Variants in COBLL1 observed in about 807,000 individuals in gnomAD.
COBLL1 encodes cordon-bleu WH2 repeat protein like 1, also known as cordon-bleu protein-like 1.
Under a neutral mutation model 94.8 loss-of-function variants are expected in COBLL1, and 50 were observed. The observed-to-expected ratio is 0.53, with a 90% CI of 0.42 to 0.67. The LOEUF is 0.67. Among genes scored for constraint, COBLL1 ranks in the 30% least tolerant of loss-of-function variants. The pLI is 0.00. For missense variants in COBLL1, 1,362 were observed against 1,348.7 expected (o/e 1.01, Z -0.15); for synonymous variants, 448 against 473.8 (o/e 0.95, Z 0.71).
rs368563132 is a variant in COBLL1, at chr2:164,751,049, G to A, written c.42-7174C>T. ...AAGAGCCTTCCATAGCTTTGCCCTC[G>A]GTCCAAAATGCTTTTAACCAGAAAA... On this transcript the variant is annotated intron_variant, in intron 2 of 13. Coordinates refer to ENST00000652658, the MANE Select transcript of COBLL1 (RefSeq NM_001365672.2). 4.6e-5 allele frequency among the ~76,000 whole-genome samples: 7 copies of A among 152,102 alleles called. No homozygotes were observed. The East Asian group carries it at 7.7e-4, about 17-fold the overall frequency.
intron 13 of COBLL1, chr2:164,687,471 G>T: frequency 6.9e-7 from 1 of 1,443,978 alleles, no homozygotes; most frequent in Non-Finnish European, 9.6e-7. Flanking sequence ...CCCTGTGCAG[G>T]GCCTCAATCA....
Position 164,680,280 on chromosome 2 carries a change from A to C in COBLL1, c.*5666T>G, listed in dbSNP as rs1682975681. ...CATGTACAATATAACCCACATACCCACCACCTAGATTTAACAATTGTAACC... is the reference window on the plus strand; with the variant it reads ...CATGTACAATATAACCCACATACCCCCCACCTAGATTTAACAATTGTAACC... On this transcript the variant is annotated 3_prime_UTR_variant, in exon 14 of 14. Transcript: ENST00000652658. The C allele has an allele frequency of 6.6e-6, 1 of 152,124 alleles. No homozygotes were observed. Among genetic ancestry groups the C allele is most frequent in the Non-Finnish European group, 1.5e-5 (1 of 68,022 alleles). 9.4% of individuals were successfully genotyped at this position (152,124 alleles called of 1,614,324 possible).
At chr2:164,725,653 A>G (rs1685690837) in intron 5 of COBLL1, among the ~76,000 whole-genome samples, 1 of 152,134 alleles carries the variant, frequency 6.6e-6, no homozygotes, top group African/African-American at 2.4e-5. Context: ...TCCTAGGCTC[A>G]AGCAATCTTC....
intron 2 of COBLL1, among the ~76,000 whole-genome samples, chr2:164,823,615 T>C (rs984792255): frequency 6.6e-6 from 1 of 152,220 alleles, no homozygotes; most frequent in East Asian, 1.9e-4. Context: ...TGTATAATTA[T>C]ACACGCAGAC....
At chr2:164,798,835 C>T (rs900311975) in intron 2 of COBLL1, among the ~76,000 whole-genome samples, 12 of 151,638 alleles carry the variant, frequency 7.9e-5, no homozygotes, top group African/African-American at 1.7e-4. Context: ...CTGGCTAACA[C>T]GGTGAAACCC....
At chr2:164,769,577 G>A (rs1688101228) in intron 2 of COBLL1, among the ~76,000 whole-genome samples, 2 of 152,268 alleles carry the variant, frequency 1.3e-5, no homozygotes, top group Admixed American at 6.5e-5. Flanking sequence ...GGAGTAATTG[G>A]GATGGATGCG....
chr2:164,780,373 C>A (rs771539961), intron 2 of COBLL1, among the ~76,000 whole-genome samples: 21 of 152,146 alleles, frequency 1.4e-4, no homozygotes, highest in Non-Finnish European at 1.8e-4. Context: ...AGGAATTCCA[C>A]GTAATTCCTC....
intron 1 of COBLL1, among the ~76,000 whole-genome samples, chr2:164,675,073 A>T (rs946371018): frequency 1.3e-5 from 2 of 152,208 alleles, no homozygotes; most frequent in African/African-American, 4.8e-5. Context: ...CTTAAGGCAC[A>T]AATCTTTGTG....
intron 2 of COBLL1, among the ~76,000 whole-genome samples, chr2:164,777,816 C>T (rs112945269): frequency 0.01 from 1,553 of 152,244 alleles, 29 homozygotes; most frequent in African/African-American, 0.036. Flanking sequence ...ATAGTACAGG[C>T]TATTCAGATC....
At chr2:164,811,715 A>C (rs1243497391) in intron 2 of COBLL1, among the ~76,000 whole-genome samples, 1 of 151,980 alleles carries the variant, frequency 6.6e-6, no homozygotes, top group African/African-American at 2.4e-5. Flanking sequence ...TAACTGAAAA[A>C]ATGGAACAGC....
chr2:164,711,505 T>C (rs553871849), intron 7 of COBLL1, among the ~76,000 whole-genome samples: 4 of 152,204 alleles, frequency 2.6e-5, no homozygotes, highest in Non-Finnish European at 5.9e-5. Flanking sequence ...TAAACATTCA[T>C]TGTGGGTCTA....
intron 2 of COBLL1, among the ~76,000 whole-genome samples, chr2:164,776,895 A>T (rs1688490498): frequency 6.6e-6 from 1 of 152,206 alleles, no homozygotes. Flanking sequence ...TACGATAGAT[A>T]TTTAATTTTT....
intron 13 of COBLL1, among the ~76,000 whole-genome samples, chr2:164,687,028 A>G (rs1371161276): frequency 1.3e-5 from 2 of 152,192 alleles, no homozygotes; most frequent in Non-Finnish European, 2.9e-5. Flanking sequence ...CATCTAAACT[A>G]ATGAGTTTTC....
chr2:164,678,016 G>A (rs765157192), downstream of COBLL1, among the ~76,000 whole-genome samples: 21 of 152,086 alleles, frequency 1.4e-4, no homozygotes, highest in Non-Finnish European at 2.9e-4. Flanking sequence ...TCAGTTAACT[G>A]CTAACACTGA....
At chr2:164,715,185 A>G (rs1232203343) in intron 7 of COBLL1, among the ~76,000 whole-genome samples, 2 of 152,186 alleles carry the variant, frequency 1.3e-5, no homozygotes, top group South Asian at 4.1e-4. Flanking sequence ...GTGGCAAAGT[A>G]TGTATTATAT....
intron 2 of COBLL1, among the ~76,000 whole-genome samples, chr2:164,840,184 T>G (rs530092963): frequency 3.3e-5 from 5 of 152,310 alleles, no homozygotes; most frequent in African/African-American, 9.6e-5. Flanking sequence ...ACAACGTCGA[T>G]TTTTCCTTAA....
At chr2:164,806,856 C>T (rs1684183844) in intron 2 of COBLL1, among the ~76,000 whole-genome samples, 2 of 152,104 alleles carry the variant, frequency 1.3e-5, no homozygotes, top group South Asian at 4.1e-4. Context: ...TGTGCTGCCA[C>T]ACTCGGCTAA....
At chr2:164,813,043 TTA>T (rs145519005) in intron 2 of COBLL1, among the ~76,000 whole-genome samples, 51,436 of 149,004 alleles carry the variant, frequency 0.35, 8,886 homozygotes, top group Admixed American at 0.41. Flanking sequence ...AAATTTTTTT[TTA>T]AAACCACAAC....
chr2:164,818,670 T>C (rs933089349), intron 2 of COBLL1, among the ~76,000 whole-genome samples: 10 of 149,132 alleles, frequency 6.7e-5, no homozygotes, highest in African/African-American at 9.8e-5. Flanking sequence ...TATATGTACA[T>C]ATGTAAACAT....
Sources: gnomAD v4.1 joint callset for allele counts (sites outside exome capture counted in the v4.1 genomes callset) on GRCh38, gnomAD v4.1.1 for gene constraint, MANE v1.5 for transcripts, NCBI Gene and HGNC (gene_info 2026-07-23, HGNC 2026-07-21) for gene names.